The following KIF5B variants were observed in gnomAD, a reference collection of about 807,000 sequenced individuals.
KIF5B encodes kinesin family member 5B.
A neutral mutation model predicts 132.8 loss-of-function variants in KIF5B; 49 were observed. The ratio of observed to expected loss-of-function variants is 0.37; its 90% confidence interval spans 0.29 to 0.47. The LOEUF (loss-of-function observed/expected upper bound fraction) is 0.47. KIF5B is among the 20% of genes least tolerant of loss of function. KIF5B has a pLI of 1.00. For missense variants in KIF5B, 780 were observed against 1,144.0 expected (o/e 0.68, Z 4.59); for synonymous variants, 355 against 369.4 (o/e 0.96, Z 0.45).
At chr10:32,048,624 T>G in intron 1 of KIF5B, 73 bp from the exon 2 acceptor site, 1 of 1,018,190 alleles carries the variant, frequency 9.8e-7, no homozygotes, top group Non-Finnish European at 1.5e-6. Flanking sequence ...ACAGATGCCA[T>G]CATATAATAT....
chr10:32,038,279 AT>A, intron 5 of KIF5B, 61 bp from the exon 6 acceptor site: 1 of 1,145,338 alleles, frequency 8.7e-7, no homozygotes, highest in Non-Finnish European at 1.3e-6. Context: ...TGGATATGAA[AT>A]AACTGATAGG....
chr10:32,018,637 A>C, intron 20 of KIF5B, 75 bp from the exon 21 acceptor site: 1 of 1,109,246 alleles, frequency 9.0e-7, no homozygotes, highest in East Asian at 2.5e-5. Context: ...GTTGAATAAA[A>C]TATTTTGTGT....
At position 32,052,556 on chromosome 10, in the gene KIF5B, CATAA is replaced by C. The variant is rs3839925; in HGVS notation, c.126+3288_126+3291del. Among the ~76,000 whole-genome samples the C allele has an allele frequency of 4.0e-3, 606 of 152,246 alleles. 6 individuals carry two copies. The highest frequency in any genetic ancestry group is 0.037 in the East Asian group (194 of 5,178). ...ATAACCATATTCTACTTTCATGATT[CATAA>C]ATAGATAGATGTAATTTTTTTATTG... is the stretch of plus-strand genomic sequence containing the variant. On this transcript the variant is annotated intron_variant, in intron 1 of 25. Transcript: ENST00000302418.
chr10:32,055,156 G>C (rs1302219074), intron 1 of KIF5B, among the ~76,000 whole-genome samples: 1 of 151,510 alleles, frequency 6.6e-6, no homozygotes, highest in Non-Finnish European at 1.5e-5. Flanking sequence ...AGGTCTGCTA[G>C]ATTAAACAAA....
intron 1 of KIF5B, 30 bp downstream of exon 1, chr10:32,055,818 G>A (rs751083514): frequency 2.5e-6 from 4 of 1,608,400 alleles, no homozygotes; most frequent in Admixed American, 1.7e-5. Flanking sequence ...CGAAGAAGCG[G>A]GAGGAGGGAT....
In KIF5B at chr10:32,038,150, G is replaced by T; in HGVS notation, c.498+13C>A. On this transcript the variant is annotated intron_variant, in intron 6 of 25. Transcript: ENST00000302418. ...GTATTACAGGGTTTTCTAGACAACT[G>T]TACTATAAATACCTTTACATAGGGA... 2.0e-6 allele frequency: 3 copies of T among 1,498,558 alleles called. No homozygotes were observed. Among genetic ancestry groups the T allele is most frequent in the Non-Finnish European group, 2.8e-6 (3 of 1,083,746 alleles). The allele number at this position is 1,498,558 out of a possible 1,614,324, so 92.8% of individuals were successfully genotyped here. A position where few individuals can be genotyped will look rare whatever the true frequency, so the allele number is the denominator to read the frequency against.
At chr10:32,013,910 G>A (rs1168247382) in intron 25 of KIF5B, among the ~76,000 whole-genome samples, 1 of 152,134 alleles carries the variant, frequency 6.6e-6, no homozygotes, top group Non-Finnish European at 1.5e-5. Flanking sequence ...TGAACAAAAC[G>A]TTTAAAATTG....
chr10:32,055,988 G>T lies in KIF5B; in HGVS notation c.-15C>A. On this transcript the variant is annotated 5_prime_UTR_variant, in exon 1 of 26. Transcript: ENST00000302418. Reference sequence around the variant, plus strand: ...AGGTCCGCCATCTTTCTCGCAGCCGGGGCCGGCGGCCGGGAGCCACTCCCC... The same window carrying T: ...AGGTCCGCCATCTTTCTCGCAGCCGTGGCCGGCGGCCGGGAGCCACTCCCC... The T allele has an allele frequency of 6.2e-7, 1 of 1,600,612 alleles. No homozygotes were observed.
intron 1 of KIF5B, among the ~76,000 whole-genome samples, chr10:32,053,587 G>A (rs2132620186): frequency 6.6e-6 from 1 of 152,156 alleles, no homozygotes; most frequent in South Asian, 2.1e-4. Context: ...AGCTGGGCGT[G>A]GTAGCGCGTG....
Position 32,038,841 on chromosome 10 carries a change from T to A in KIF5B, c.394-15A>T. The A allele has an allele frequency of 2.0e-6, 3 of 1,466,890 alleles. No homozygotes were observed. The highest frequency in any genetic ancestry group is 2.8e-6 in the Non-Finnish European group (3 of 1,056,186). 90.9% of individuals were successfully genotyped at this position (1,466,890 alleles called of 1,614,324 possible). A position where few individuals can be genotyped will look rare whatever the true frequency, so the allele number is the denominator to read the frequency against. On this transcript the variant is annotated splice_polypyrimidine_tract_variant and intron_variant, in intron 4 of 25. Coordinates refer to ENST00000302418, the MANE Select transcript of KIF5B (RefSeq NM_004521.3). Reference sequence around the variant, plus strand: ...AAATATGAAACCTAAAGGGCAAATTTAAAAAAACACCGATCAACTAAAGTT... The same window carrying A: ...AAATATGAAACCTAAAGGGCAAATTAAAAAAAACACCGATCAACTAAAGTT...
At chr10:32,042,305 G>A (rs994614587) in intron 2 of KIF5B, among the ~76,000 whole-genome samples, 1 of 152,154 alleles carries the variant, frequency 6.6e-6, no homozygotes, top group African/African-American at 2.4e-5. Context: ...TCCCTGGGAA[G>A]ATTTTAAGAG....
Position 32,036,008 on chromosome 10 carries a change from T to A in KIF5B, c.712-14A>T. On this transcript the variant is annotated splice_polypyrimidine_tract_variant and intron_variant, in intron 8 of 25. Coordinates refer to ENST00000302418, the MANE Select transcript of KIF5B (RefSeq NM_004521.3). ...AGTTTTACTAACCTATACATAAGAT[T>A]TCAAAAGAATGAAACAAAATTACAA... 1 of 1,493,994 alleles carries A rather than the reference T, an allele frequency of 6.7e-7. No individual in the cohort carries two copies. The highest frequency in any genetic ancestry group is 1.3e-5 in the South Asian group (1 of 77,450). The allele number at this position is 1,493,994 out of a possible 1,614,324, so 92.5% of individuals were successfully genotyped here.
At chr10:32,043,389 A>G (rs570974388) in intron 2 of KIF5B, among the ~76,000 whole-genome samples, 109 of 152,232 alleles carry the variant, frequency 7.2e-4, no homozygotes, top group Non-Finnish European at 1.3e-3. Context: ...CTCCACAGCT[A>G]GTAAGATGAA....
At chr10:32,018,446 G>T (rs1021287837) in intron 21 of KIF5B, 56 bp downstream of exon 21, 4 of 1,588,804 alleles carry the variant, frequency 2.5e-6, no homozygotes, top group Non-Finnish European at 3.4e-6. Flanking sequence ...AATAATCATG[G>T]TAGAAAAAAC....
At chr10:32,053,024 A>G (rs1034035922) in intron 1 of KIF5B, among the ~76,000 whole-genome samples, 4 of 152,272 alleles carry the variant, frequency 2.6e-5, no homozygotes, top group East Asian at 1.9e-4. Flanking sequence ...CTAACATCAT[A>G]AACTACAATA....
At chr10:32,016,683 G>C (rs1038070701) in intron 24 of KIF5B, among the ~76,000 whole-genome samples, 1 of 151,992 alleles carries the variant, frequency 6.6e-6, no homozygotes, top group East Asian at 2.0e-4. Context: ...CTGGGTTACA[G>C]GCGTTCACCA....
chr10:32,033,284 A>G (rs1253851134), intron 12 of KIF5B, among the ~76,000 whole-genome samples: 1 of 152,196 alleles, frequency 6.6e-6, no homozygotes, highest in African/African-American at 2.4e-5. Context: ...GGGGTCCCCA[A>G]GCCCCCAGGC....
intron 15 of KIF5B, among the ~76,000 whole-genome samples, chr10:32,024,848 A>G (rs951821969): frequency 6.6e-6 from 1 of 152,056 alleles, no homozygotes; most frequent in Non-Finnish European, 1.5e-5. Context: ...AGGCTGAGGC[A>G]GGCGGACCAC....
At position 32,037,337 on chromosome 10, in the gene KIF5B, T is replaced by A. The variant is rs771240465; in HGVS notation, c.628A>T (p.Ile210Phe). 6.2e-7 allele frequency: 1 copy of A among 1,612,818 alleles called. No individual in the cohort carries two copies. Among genetic ancestry groups the A allele is most frequent in the Non-Finnish European group, 8.5e-7 (1 of 1,178,848 alleles). Reference protein sequence around the residue: ...HSSRSHSIFLINVKQENTQTE... With the variant: ...HSSRSHSIFLFNVKQENTQTE... ...TGTGTGTTCTCTTGTTTGACATTAATAAGAAATATACTGTGACTCCTAGAG... is the reference window on the plus strand; with the variant it reads ...TGTGTGTTCTCTTGTTTGACATTAAAAAGAAATATACTGTGACTCCTAGAG... Residue 210 changes from isoleucine to phenylalanine, a missense_variant, in exon 8 of 26, where the codon ATT (isoleucine) becomes TTT (phenylalanine). Coordinates refer to ENST00000302418, the MANE Select transcript of KIF5B (RefSeq NM_004521.3).
Sources: gnomAD v4.1 joint callset for allele counts (sites outside exome capture counted in the v4.1 genomes callset) on GRCh38, gnomAD v4.1.1 for gene constraint, MANE v1.5 for transcripts, NCBI Gene and HGNC (gene_info 2026-07-23, HGNC 2026-07-21) for gene names.